Variants in NBPF20 observed in about 807,000 individuals in gnomAD.
NBPF20 encodes NBPF family member NBPF20.
A neutral mutation model predicts 68.1 loss-of-function variants in NBPF20; 90 were observed. That is an observed-to-expected ratio of 1.32 (90% CI 1.11 to 1.58). The LOEUF (loss-of-function observed/expected upper bound fraction) is 1.58. NBPF20 is among the 40% of genes most tolerant of loss of function. NBPF20 has a pLI of 0.00. For synonymous variants in NBPF20, 290 were observed against 228.1 expected, an observed-to-expected ratio of 1.27 and a Z score of -2.45; for missense variants, 816 against 601.2, an observed-to-expected ratio of 1.36 and a Z score of -3.74.
rs1553663128 is a variant in NBPF20 at position 145,394,137 on chromosome 1, C to A, written c.992-202G>T. Reference sequence around the variant, plus strand: ...TCTTTCATGAGCCTTGGGCAAAATTCCCCTGTGTTGGAATGTTATCTTCCC... The same window carrying A: ...TCTTTCATGAGCCTTGGGCAAAATTACCCTGTGTTGGAATGTTATCTTCCC... On this transcript the variant is annotated intron_variant, in intron 8 of 137. Coordinates refer to ENST00000369373, the Ensembl canonical transcript of NBPF20. Among the ~76,000 whole-genome samples the A allele has an allele frequency of 5.1e-3, 783 of 152,156 alleles. 9 individuals carry two copies. Among genetic ancestry groups the A allele is most frequent in the Middle Eastern group, 0.017 (5 of 294 alleles).
the NBPF20 span, among the ~76,000 whole-genome samples, chr1:145,410,751 C>CATATATATATATACGTATATATATAT: frequency 9.1e-6 from 1 of 109,968 alleles, no homozygotes; most frequent in Non-Finnish European, 1.9e-5. Context: ...TATATATATA[C>CATATATATATATACGTATATATATAT]ATATATATAT....
upstream of NBPF20, among the ~76,000 whole-genome samples, chr1:145,410,416 G>A (rs1662961774): frequency 6.7e-6 from 1 of 149,330 alleles, no homozygotes; most frequent in Non-Finnish European, 1.5e-5. Context: ...CCGGGTTCAC[G>A]CCATTCTCCT....
intron 118 of NBPF20, among the ~76,000 whole-genome samples, 180 bp downstream of exon 123, chr1:145,307,297 A>G (rs1217325873): frequency 3.4e-3 from 12 of 3,564 alleles, no homozygotes; most frequent in African/African-American, 0.026. Context: ...TTGCTCACTG[A>G]CCCATTTCAT....
chr1:145,291,487 G>A (rs782065342), exon 138 of NBPF20: 8 of 1,611,888 alleles, frequency 5.0e-6, no homozygotes, highest in South Asian at 3.3e-5. Context: ...TATAGGTCCT[G>A]CCTGCAGGAA....
the NBPF20 span, among the ~76,000 whole-genome samples, chr1:145,414,907 G>A: frequency 1.0e-3 from 155 of 150,652 alleles, no homozygotes; most frequent in African/African-American, 2.9e-3. Flanking sequence ...ACCTGTGGGC[G>A]TTTCTCATTA....
At chr1:145,340,704 A>G in intron 76 of NBPF20, 63 bp downstream of exon 81, 1 of 79,220 alleles carries the variant, frequency 1.3e-5, no homozygotes, top group South Asian at 5.7e-5. Flanking sequence ...CACTTGCAGT[A>G]GGAATATGAC....
At chr1:145,394,589 A>T (rs1662122935) in intron 8 of NBPF20, among the ~76,000 whole-genome samples, 1 of 152,058 alleles carries the variant, frequency 6.6e-6, no homozygotes, top group Admixed American at 6.5e-5. Context: ...AGAACCACAC[A>T]GACATGCTTT....
intron 129 of NBPF20, among the ~76,000 whole-genome samples, chr1:145,298,408 G>T (rs1348078849): frequency 1.4e-5 from 2 of 142,734 alleles, no homozygotes; most frequent in Non-Finnish European, 3.0e-5. Context: ...AACGAGCTCA[G>T]TGAATTGTCC....
upstream of NBPF20, among the ~76,000 whole-genome samples, chr1:145,407,522 T>C (rs1662853242): frequency 6.8e-6 from 1 of 146,834 alleles, no homozygotes; most frequent in Non-Finnish European, 1.5e-5. Context: ...TGTATATACA[T>C]ACGTGTATAT....
exon 8 of NBPF20, chr1:145,395,027 T>C (rs1266076261): frequency 1.9e-6 from 3 of 1,611,452 alleles, no homozygotes; most frequent in Non-Finnish European, 2.5e-6. Flanking sequence ...ATGAGTGAAA[T>C]GTGCTGCTGT....
At chr1:145,396,721 G>C (rs1662261811) in intron 7 of NBPF20, among the ~76,000 whole-genome samples, 1 of 143,720 alleles carries the variant, frequency 7.0e-6, no homozygotes, top group Non-Finnish European at 1.5e-5. Flanking sequence ...TTTTCCATAT[G>C]TATAGTTTTC....
At chr1:145,291,849 T>C (rs587773376) in intron 137 of NBPF20, 80 bp from the exon 143 acceptor site, 2 of 1,608,696 alleles carry the variant, frequency 1.2e-6, no homozygotes, top group Non-Finnish European at 1.7e-6. Flanking sequence ...AGAAGTCACA[T>C]AAGGAAGTGG....
upstream of NBPF20, among the ~76,000 whole-genome samples, chr1:145,407,513 G>C (rs1469528162): frequency 6.9e-6 from 1 of 144,576 alleles, no homozygotes; most frequent in African/African-American, 2.6e-5. Context: ...ATATATACGT[G>C]TATATACATA....
At chr1:145,394,105 C>CT (rs1189624482) in intron 8 of NBPF20, among the ~76,000 whole-genome samples, 170 bp from the exon 14 acceptor site, 1 of 152,024 alleles carries the variant, frequency 6.6e-6, no homozygotes, top group African/African-American at 2.4e-5. Context: ...AGAAAACTGG[C>CT]TTGGGTTCTT....
At chr1:145,397,695 G>T (rs1277408014) in intron 7 of NBPF20, among the ~76,000 whole-genome samples, 45 of 152,152 alleles carry the variant, frequency 3.0e-4, no homozygotes, top group Non-Finnish European at 5.3e-4. Context: ...GAAATAACCA[G>T]CTAATATCAT....
intron 7 of NBPF20, among the ~76,000 whole-genome samples, chr1:145,398,114 C>T (rs1433102818): frequency 6.6e-6 from 1 of 152,034 alleles, no homozygotes; most frequent in Non-Finnish European, 1.5e-5. Flanking sequence ...GAGATTTAGA[C>T]TCCACACAAT....
chr1:145,393,666 G>A (rs1370939515), intron 9 of NBPF20: 3 of 1,324,238 alleles, frequency 2.3e-6, no homozygotes, highest in South Asian at 2.8e-5. Context: ...CAGCTTTTGA[G>A]TTATGGTCAA....
intron 136 of NBPF20, 73 bp from the exon 142 acceptor site, chr1:145,292,562 C>G (rs1293348434): frequency 1.2e-5 from 9 of 732,232 alleles, no homozygotes; most frequent in Non-Finnish European, 2.2e-5. Context: ...ACTGTCTAAT[C>G]CTCACACAGG....
At chr1:145,411,386 C>A in the NBPF20 span, among the ~76,000 whole-genome samples, 2 of 138,870 alleles carry the variant, frequency 1.4e-5, no homozygotes, top group Non-Finnish European at 3.1e-5. Flanking sequence ...TGTTGACTTT[C>A]CTTTTTTTTT....
Sources: gnomAD v4.1 joint callset for allele counts (sites outside exome capture counted in the v4.1 genomes callset) on GRCh38, gnomAD v4.1.1 for gene constraint, MANE v1.5 for transcripts, NCBI Gene and HGNC (gene_info 2026-07-23, HGNC 2026-07-21) for gene names.